Variants in ANKRA2 observed in about 807,000 individuals in gnomAD.
The protein encoded by ANKRA2 is ankyrin repeat family A protein 2.
ANKRA2 carries 33 observed loss-of-function variants against 37.8 expected under a neutral mutation model. That is an observed-to-expected ratio of 0.87 (90% CI 0.66 to 1.17). ANKRA2 has a LOEUF of 1.17. Among genes scored for constraint, ANKRA2 ranks in the 50% most tolerant of loss-of-function variants. The probability of loss-of-function intolerance (pLI) is 0.00; values close to 1 mark genes in which losing one functional copy is unlikely to be tolerated. For synonymous variants in ANKRA2, 126 were observed against 132.3 expected (o/e 0.95, Z 0.33); for missense variants, 326 against 373.7 (o/e 0.87, Z 1.05).
chr5:73,558,262 A>C (rs1002908815), intron 3 of ANKRA2, among the ~76,000 whole-genome samples: 1 of 152,074 alleles, frequency 6.6e-6, no homozygotes, highest in African/African-American at 2.4e-5. Flanking sequence ...TACAGGCATG[A>C]GCCACCATGC....
chr5:73,561,520 C>T (rs1747554033), intron 2 of ANKRA2, among the ~76,000 whole-genome samples: 1 of 151,320 alleles, frequency 6.6e-6, no homozygotes, highest in Non-Finnish European at 1.5e-5. Context: ...AACCCCAGCA[C>T]TTTGGGAGGC....
At chr5:73,563,114 T>C (rs570076329) in intron 1 of ANKRA2, 129 bp from the exon 2 acceptor site, 47 of 342,116 alleles carry the variant, frequency 1.4e-4, no homozygotes, top group African/African-American at 6.5e-4. Context: ...AAGAATATAA[T>C]GTTCAGAGGT....
intron 7 of ANKRA2, among the ~76,000 whole-genome samples, chr5:73,554,076 T>C (rs912643070): frequency 1.3e-5 from 2 of 151,976 alleles, no homozygotes; most frequent in African/African-American, 4.8e-5. Context: ...GGCCACATAG[T>C]GGATTCACAT....
At chr5:73,561,517 G>T (rs1747553864) in intron 2 of ANKRA2, 2 of 423,618 alleles carry the variant, frequency 4.7e-6, no homozygotes, top group South Asian at 2.7e-5. Context: ...TGTAACCCCA[G>T]CACTTTGGGA....
chr5:73,564,010 G>T (rs1160236511), intron 1 of ANKRA2, among the ~76,000 whole-genome samples: 1 of 151,902 alleles, frequency 6.6e-6, no homozygotes, highest in Non-Finnish European at 1.5e-5. Flanking sequence ...GGCTTACTCA[G>T]CTCTTCTGAC....
chr5:73,563,048 A>G (rs1747598655), intron 1 of ANKRA2, 63 bp from the exon 2 acceptor site: 2 of 577,590 alleles, frequency 3.5e-6, no homozygotes, highest in East Asian at 6.1e-5. Flanking sequence ...ACACAAAATA[A>G]TCATTTTCAA....
chr5:73,563,689 G>C (rs1187276884), intron 1 of ANKRA2, among the ~76,000 whole-genome samples: 1 of 152,184 alleles, frequency 6.6e-6, no homozygotes, highest in African/African-American at 2.4e-5. Context: ...AGTTGTCTTA[G>C]ATACATTATC....
chr5:73,564,128 G>A (rs1226129467), intron 1 of ANKRA2, among the ~76,000 whole-genome samples: 1 of 150,590 alleles, frequency 6.6e-6, no homozygotes, highest in Non-Finnish European at 1.5e-5. Flanking sequence ...AAAAAAAGCA[G>A]GAAGTAAGAA....
rs1232015413 is a variant in ANKRA2 at position 73,565,631 on chromosome 5, AGAGG to A, written c.-608_-605del. On this transcript the variant is annotated 5_prime_UTR_variant, in exon 1 of 9. Coordinates refer to ENST00000296785, the MANE Select transcript of ANKRA2 (RefSeq NM_023039.5). ...GTTGACGGTTCTGGGTCACCAGAGCAGAGGAAGCCCCAATTTCGCCCTCCGGTCA... is the reference window on the plus strand; with the variant it reads ...GTTGACGGTTCTGGGTCACCAGAGCAAAGCCCCAATTTCGCCCTCCGGTCA... 7 of 400,816 alleles carry A rather than the reference AGAGG, an allele frequency of 1.7e-5. No individual in the cohort carries two copies. The highest frequency in any genetic ancestry group is 3.5e-5 in the Non-Finnish European group (7 of 200,452). The allele number at this position is 400,816 out of a possible 1,614,324, so 24.8% of individuals were successfully genotyped here.
rs772719787 is a variant in ANKRA2, at chr5:73,562,732, C to T, written c.150G>A (p.Met50Ile). 1 of 1,614,146 alleles carries T rather than the reference C, an allele frequency of 6.2e-7. No homozygotes were observed. Among genetic ancestry groups the T allele is most frequent in the African/African-American group, 1.3e-5 (1 of 75,048 alleles). ...GGTTAGGCAATATGAATTTCATTCCCATGGCAACACCCTGAGCTGACCCTT... is the reference window on the plus strand; with the variant it reads ...GGTTAGGCAATATGAATTTCATTCCTATGGCAACACCCTGAGCTGACCCTT... The part of the protein sequence containing the change: ...SEEGSAQGVA[M>I]GMKFILPNRF... Residue 50 changes from methionine to isoleucine, a missense_variant, in exon 2 of 9, where the codon ATG (methionine) becomes ATA (isoleucine). Met to Ile is a conservative substitution (Grantham distance 10). This residue lies in a region of ANKRA2 where 93 missense variants were observed against 91.1 expected (regional missense o/e 1.02). Coordinates refer to ENST00000296785, the MANE Select transcript of ANKRA2 (RefSeq NM_023039.5).
chr5:73,558,490 C>T (rs1747459663), intron 3 of ANKRA2, among the ~76,000 whole-genome samples: 1 of 152,028 alleles, frequency 6.6e-6, no homozygotes, highest in Non-Finnish European at 1.5e-5. Flanking sequence ...TTTCTTTTTA[C>T]AAGGAATGAA....
intron 7 of ANKRA2, among the ~76,000 whole-genome samples, chr5:73,553,774 CTT>C (rs1747315545): frequency 7.5e-6 from 1 of 133,834 alleles, no homozygotes; most frequent in Non-Finnish European, 1.8e-5. Flanking sequence ...AATTCATTTT[CTT>C]TTCTTCTTTT....
intron 5 of ANKRA2, chr5:73,555,273 G>A (rs1318216909): frequency 2.5e-6 from 3 of 1,199,748 alleles, no homozygotes; most frequent in Non-Finnish European, 3.4e-6. Flanking sequence ...CCCGTGGGAT[G>A]TAGAGGGGTC....
chr5:73,554,174 T>C (rs571037551), intron 7 of ANKRA2, 148 bp downstream of exon 7: 1 of 696,314 alleles, frequency 1.4e-6, no homozygotes, highest in South Asian at 1.7e-5. Flanking sequence ...GGGCAACTTT[T>C]GGTGGCAGGT....
intron 1 of ANKRA2, 82 bp from the exon 2 acceptor site, chr5:73,563,067 T>G (rs1747599004): frequency 3.7e-6 from 2 of 540,630 alleles, no homozygotes; most frequent in Non-Finnish European, 6.3e-6. Context: ...AATCAAGTAT[T>G]GTAACAATGC....
chr5:73,557,628 T>C lies in ANKRA2; in HGVS notation c.461A>G (p.His154Arg), dbSNP rs1423523288. ...TPLLANSLSV[H>R]QLAAQGEMLY... ...CATCTCTCCCTGAGCAGCCAACTGG[T>C]GAACAGACAAAGCTGAAAGAGTATC... Residue 154 changes from histidine (H) to arginine (R), a missense_variant, in exon 4 of 9, where the codon CAC becomes CGC. Physicochemically the swap from His to Arg is conservative, Grantham distance 29. This residue lies in a region of ANKRA2 where 228 missense variants were observed against 260.2 expected (regional missense o/e 0.88). Transcript: ENST00000296785. The C allele has an allele frequency of 1.2e-6, 2 of 1,609,972 alleles. No homozygotes were observed. The highest frequency in any genetic ancestry group is 2.7e-5 in the African/African-American group (2 of 74,820).
chr5:73,555,182 T>C (rs1184395732), intron 5 of ANKRA2, 196 bp from the exon 6 acceptor site: 1 of 1,398,862 alleles, frequency 7.1e-7, no homozygotes, highest in African/African-American at 1.5e-5. Context: ...CCTGTATCAA[T>C]CCTAATTATC....
Position 73,552,199 on chromosome 5 carries a change from T to C in ANKRA2, c.*598A>G, listed in dbSNP as rs1747272250. On this transcript the variant is annotated 3_prime_UTR_variant, in exon 9 of 9. Transcript: ENST00000296785. ...TAGAAATGACAATGTCTTTGTTGAT[T>C]GACTTAGATTCAGTTTATTTTAATT... 1.3e-5 allele frequency: 2 copies of C among 152,284 alleles called. No individual in the cohort carries two copies. The highest frequency in any genetic ancestry group is 2.9e-5 in the Non-Finnish European group (2 of 68,038). The allele number at this position is 152,284 out of a possible 1,614,324, so 9.4% of individuals were successfully genotyped here.
chr5:73,556,916 CAG>C (rs1484558103), intron 4 of ANKRA2, among the ~76,000 whole-genome samples: 6 of 151,028 alleles, frequency 4.0e-5, no homozygotes, highest in Admixed American at 4.0e-4. Context: ...CGTGGGGAAA[CAG>C]AAACTCTAGC....
Sources: gnomAD v4.1 joint callset for allele counts (sites outside exome capture counted in the v4.1 genomes callset) on GRCh38, gnomAD v4.1.1 for gene constraint, gnomAD v4.1.1 regional missense constraint, MANE v1.5 for transcripts, NCBI Gene and HGNC (gene_info 2026-07-23, HGNC 2026-07-21) for gene names.